The following BAK1 variants were observed in gnomAD, a reference collection of about 807,000 sequenced individuals.
BAK1 encodes bcl-2 homologous antagonist/killer.
BAK1 carries 19 observed loss-of-function variants against 24.7 expected under a neutral mutation model. That is an observed-to-expected ratio of 0.77 (90% confidence interval 0.54 to 1.13). The LOEUF (loss-of-function observed/expected upper bound fraction) is 1.13. Ranked by LOEUF, BAK1 falls within the 50% of genes most tolerant of loss-of-function variation. The pLI is 0.00. For missense variants in BAK1, 194 were observed against 279.4 expected, an observed-to-expected ratio of 0.69 and a Z score of 2.18; for synonymous variants, 86 against 107.3, an observed-to-expected ratio of 0.80 and a Z score of 1.23.
At position 33,574,174 on chromosome 6, in the gene BAK1, G is replaced by A. The variant is rs770151646; in HGVS notation, c.391C>T (p.Leu131Phe). ...SGINWGRVVA[L>F]LGFGYRLALH... ...GCCAGACGGTAGCCGAAGCCCAGAA[G>A]AGCCACCACACGGCCCCAATTGATG... The change falls in exon 5 of 6, where the codon CTT becomes TTT. Residue 131 changes from leucine (L) to phenylalanine (F), a missense_variant. Coordinates refer to ENST00000374467, the MANE Select transcript of BAK1 (RefSeq NM_001188.4). 2 of 1,613,972 alleles carry A rather than the reference G, an allele frequency of 1.2e-6. No homozygotes were observed. The highest frequency in any genetic ancestry group is 1.7e-6 in the Non-Finnish European group (2 of 1,179,972).
At position 33,575,427 on chromosome 6, in the gene BAK1, A is replaced by G. The variant is rs755256768; in HGVS notation, c.221T>C (p.Val74Ala). 6.2e-7 allele frequency: 1 copy of G among 1,613,696 alleles called. No homozygotes were observed. The highest frequency in any genetic ancestry group is 1.1e-5 in the South Asian group (1 of 91,054). The change falls in exon 4 of 6, where the codon GTG becomes GCG. Residue 74 changes from valine (V) to alanine (A), a missense_variant. By Grantham distance (64) the Val-to-Ala change is moderately conservative. Transcript: ENST00000374467. The surrounding 1 kb of genome is among the most constrained non-coding windows in gnomAD (Gnocchi z 6.3). ...PLQPSSTMGQVGRQLAIIGDD... is the reference protein window; with the variant it reads ...PLQPSSTMGQAGRQLAIIGDD... ...CCCGATGATGGCGAGCTGCCGTCCC[A>G]CCTGCCCCATGGTGCTGTAGGAGCA... is the stretch of plus-strand genomic sequence containing the variant.
At chr6:33,574,336 A>G in intron 4 of BAK1, 122 bp from the exon 5 acceptor site, 1 of 1,448,702 alleles carries the variant, frequency 6.9e-7, no homozygotes, top group East Asian at 2.5e-5. Context: ...TTAAGGCCGC[A>G]GAGGCTGCCC....
At chr6:33,576,175 A>T (rs1455151703) in intron 2 of BAK1, among the ~76,000 whole-genome samples, 4 of 152,010 alleles carry the variant, frequency 2.6e-5, no homozygotes, top group Non-Finnish European at 5.9e-5. Flanking sequence ...CTAAAAATAC[A>T]AAATTAGCCG....
At position 33,575,659 on chromosome 6, in the gene BAK1, A is replaced by G. The variant is rs991398067; in HGVS notation, c.206+134T>C. ...GGTCCTGGATGGGGGTGGGAGCCCAACATAAAAGAGGAGCAACCATGAGAG... is the reference window on the plus strand; with the variant it reads ...GGTCCTGGATGGGGGTGGGAGCCCAGCATAAAAGAGGAGCAACCATGAGAG... On this transcript the variant is annotated intron_variant, in intron 3 of 5. Coordinates refer to ENST00000374467, the MANE Select transcript of BAK1 (RefSeq NM_001188.4). This position sits in a 1 kb window ranked among gnomAD's most constrained non-coding sequence, Gnocchi z 6.3. The G allele has an allele frequency of 3.5e-6, 5 of 1,427,506 alleles. No individual in the cohort carries two copies. The highest frequency in any genetic ancestry group is 2.8e-5 in the African/African-American group (2 of 70,316). The allele number at this position is 1,427,506 out of a possible 1,614,324, so 88.4% of individuals were successfully genotyped here.
chr6:33,575,646 G>T lies in BAK1; in HGVS notation c.206+147C>A. On this transcript the variant is annotated intron_variant, in intron 3 of 5. Transcript: ENST00000374467. This position sits in a 1 kb window ranked among gnomAD's most constrained non-coding sequence, Gnocchi z 6.3. ...AAAAAGGATACAAGGTCCTGGATGG[G>T]GGTGGGAGCCCAACATAAAAGAGGA... 1 of 1,364,742 alleles carries T rather than the reference G, an allele frequency of 7.3e-7. No individual in the cohort carries two copies. The highest frequency in any genetic ancestry group is 1.0e-6 in the Non-Finnish European group (1 of 1,000,124). 84.5% of individuals were successfully genotyped at this position (1,364,742 alleles called of 1,614,324 possible). A position where few individuals can be genotyped will look rare whatever the true frequency, so the allele number is the denominator to read the frequency against.
rs935347908 is a variant in BAK1 at position 33,577,344 on chromosome 6, G to C, written c.70+191C>G. ...TCTCCCAACCTCCAGGCCCTCCCCA[G>C]TCCAGACTCCTCCCCCTCCTGGGCT... On this transcript the variant is annotated intron_variant, in intron 2 of 5. Coordinates refer to ENST00000374467, the MANE Select transcript of BAK1 (RefSeq NM_001188.4). This position sits in a 1 kb window ranked among gnomAD's most constrained non-coding sequence, Gnocchi z 4.6. Among the ~76,000 whole-genome samples, 9 of 152,194 alleles carry C rather than the reference G, an allele frequency of 5.9e-5. No homozygotes were observed. The highest frequency in any genetic ancestry group is 1.9e-4 in the African/African-American group (8 of 41,544).
At chr6:33,574,536 G>C in intron 4 of BAK1, 2 of 1,405,654 alleles carry the variant, frequency 1.4e-6, no homozygotes, top group South Asian at 1.2e-5. Context: ...CTGGCAGCCC[G>C]AGGGACAGCA....
At chr6:33,579,571 C>T (rs942151907) in intron 1 of BAK1, among the ~76,000 whole-genome samples, 2 of 152,190 alleles carry the variant, frequency 1.3e-5, no homozygotes, top group Non-Finnish European at 1.5e-5. Flanking sequence ...CTGACTCAGG[C>T]CTAGCTCTGC....
In BAK1 at chr6:33,578,533, CCT is replaced by C. The variant is rs1043620240; in HGVS notation, c.-31-900_-31-899del. Among the ~76,000 whole-genome samples, 2 of 152,208 alleles carry C rather than the reference CCT, an allele frequency of 1.3e-5. No homozygotes were observed. Among genetic ancestry groups the C allele is most frequent in the African/African-American group, 2.4e-5 (1 of 41,444 alleles). On this transcript the variant is annotated intron_variant, in intron 1 of 5. Coordinates refer to ENST00000374467, the MANE Select transcript of BAK1 (RefSeq NM_001188.4). This position sits in a 1 kb window ranked among gnomAD's most constrained non-coding sequence, Gnocchi z 4.8. ...TCAGGGCAACTTTCCCTATTTACCT[CCT>C]GTCTGTGCCTTCCCCACTGCTGCCT... is the stretch of plus-strand genomic sequence containing the variant.
At position 33,573,864 on chromosome 6, in the gene BAK1, AGCAC is replaced by A; in HGVS notation, c.571_574del (p.Val191TrpfsTer86). 1.2e-6 allele frequency: 2 copies of A among 1,614,218 alleles called. No homozygotes were observed. The highest frequency in any genetic ancestry group is 1.7e-6 in the Non-Finnish European group (2 of 1,180,016). On this transcript the variant is annotated frameshift_variant, in exon 6 of 6. Transcript: ENST00000374467. LOFTEE classifies it high-confidence loss of function. ...CAACAGAACCACACCCAGAACCACC[AGCAC>A]GTTCAGGATGGGACCATTGCCCAAG... is the stretch of plus-strand genomic sequence containing the variant.
intron 1 of BAK1, among the ~76,000 whole-genome samples, chr6:33,579,762 C>G (rs964385800): frequency 6.6e-6 from 1 of 152,224 alleles, no homozygotes; most frequent in Non-Finnish European, 1.5e-5. Context: ...GACCTTGGCT[C>G]TGACCTCCAC....
In BAK1 at chr6:33,578,510, A is replaced by C. The variant is rs903933717; in HGVS notation, c.-31-875T>G. ...TGGACCTCAGAGTGTGTTCTTTCTC[A>C]GGGCAACTTTCCCTATTTACCTCCT... is the stretch of plus-strand genomic sequence containing the variant. On this transcript the variant is annotated intron_variant, in intron 1 of 5. Transcript: ENST00000374467. The surrounding 1 kb of genome is among the most constrained non-coding windows in gnomAD (Gnocchi z 4.8). Among the ~76,000 whole-genome samples the C allele has an allele frequency of 1.3e-5, 2 of 152,164 alleles. No individual in the cohort carries two copies.
Position 33,577,411 on chromosome 6 carries a change from G to A in BAK1, c.70+124C>T, listed in dbSNP as rs771462283. 7.4e-6 allele frequency: 7 copies of A among 944,884 alleles called. No individual in the cohort carries two copies. Among genetic ancestry groups the A allele is most frequent in the Non-Finnish European group, 1.1e-5 (7 of 657,280 alleles). The allele number at this position is 944,884 out of a possible 1,614,324, so 58.5% of individuals were successfully genotyped here. A position where few individuals can be genotyped will look rare whatever the true frequency, so the allele number is the denominator to read the frequency against. Reference sequence around the variant, plus strand: ...TCCAGCCTCTGAGCCCGTGGGTGGGGAAGAGTATTCCCCACCCACAGTGGG... The same window carrying A: ...TCCAGCCTCTGAGCCCGTGGGTGGGAAAGAGTATTCCCCACCCACAGTGGG... On this transcript the variant is annotated intron_variant, in intron 2 of 5. Coordinates refer to ENST00000374467, the MANE Select transcript of BAK1 (RefSeq NM_001188.4). This position sits in a 1 kb window ranked among gnomAD's most constrained non-coding sequence, Gnocchi z 4.6.
At chr6:33,576,094 C>T (rs368045254) in intron 2 of BAK1, among the ~76,000 whole-genome samples, 166 bp from the exon 3 acceptor site, 69 of 152,244 alleles carry the variant, frequency 4.5e-4, no homozygotes, top group Middle Eastern at 6.8e-3. Context: ...TTTGGGAGGC[C>T]GAGGTGGGCA....
rs775583296 is a variant in BAK1 at position 33,575,857 on chromosome 6, C to T, written c.142G>A (p.Glu48Lys). ...YVFYRHQQEQ[E>K]AEGVAAPADP... ...GCAGGGGCAGCCACCCCTTCAGCCT[C>T]CTGTTCCTGCTGATGGCGGTAAAAA... Residue 48 changes from glutamate (E) to lysine (K), a missense_variant, in exon 3 of 6, where the codon GAG (glutamate) becomes AAG (lysine). Physicochemically the swap from Glu to Lys is moderately conservative, Grantham distance 56. Transcript: ENST00000374467. This position sits in a 1 kb window ranked among gnomAD's most constrained non-coding sequence, Gnocchi z 6.3. The T allele has an allele frequency of 3.7e-6, 6 of 1,614,100 alleles. No homozygotes were observed. The African/African-American group carries it at 4.0e-5, about 11-fold the overall frequency.
At position 33,579,437 on chromosome 6, in the gene BAK1, G is replaced by A. The variant is rs773860993; in HGVS notation, c.-32+588C>T. On this transcript the variant is annotated intron_variant, in intron 1 of 5. Transcript: ENST00000374467. ...CCTTCTTCCCCAGTCTCCAGGACCC[G>A]GCACCCCCAGGACAGTAGGGCTGGA... Among the ~76,000 whole-genome samples the A allele has an allele frequency of 3.7e-4, 56 of 151,962 alleles. 1 individual carries two copies. Among genetic ancestry groups the A allele is most frequent in the Non-Finnish European group, 6.8e-4 (46 of 67,994 alleles).
At chr6:33,574,395 A>G (rs210136) in intron 4 of BAK1, 181 bp from the exon 5 acceptor site, 11 of 1,467,882 alleles carry the variant, frequency 7.5e-6, no homozygotes, top group African/African-American at 7.0e-5. Context: ...GAAAGGAGAA[A>G]GCTCAGGGGC....
rs1340718045 is a variant in BAK1 at position 33,577,973 on chromosome 6, C to T, written c.-31-338G>A. 6.6e-6 allele frequency among the ~76,000 whole-genome samples: 1 copy of T among 152,222 alleles called. No individual in the cohort carries two copies. Among genetic ancestry groups the T allele is most frequent in the East Asian group, 1.9e-4 (1 of 5,198 alleles). ...AGGGAGACAGGGTAAGAAGGTGAGG[C>T]AGCCAAGGGCAGACTGAGGTATCTG... On this transcript the variant is annotated intron_variant, in intron 1 of 5. Transcript: ENST00000374467. The surrounding 1 kb of genome is among the most constrained non-coding windows in gnomAD (Gnocchi z 4.6).
In BAK1 at chr6:33,578,924, G is replaced by A. The variant is rs5745580; in HGVS notation, c.-32+1101C>T. Among the ~76,000 whole-genome samples the A allele has an allele frequency of 3.9e-3, 589 of 151,884 alleles. 3 individuals are homozygous for A. The highest frequency in any genetic ancestry group is 0.014 in the African/African-American group (560 of 41,394). On this transcript the variant is annotated intron_variant, in intron 1 of 5. Transcript: ENST00000374467. The surrounding 1 kb of genome is among the most constrained non-coding windows in gnomAD (Gnocchi z 4.8). ...GGGGACCTTCGCCCACCCTCCTTCCGCTAGGCCTGGGAGTGTTTTCGAAAG... is the reference window on the plus strand; with the variant it reads ...GGGGACCTTCGCCCACCCTCCTTCCACTAGGCCTGGGAGTGTTTTCGAAAG...
Sources: allele counts gnomAD v4.1 joint callset (sites outside exome capture counted in the v4.1 genomes callset), GRCh38; gene constraint gnomAD v4.1.1; non-coding constraint Gnocchi (gnomAD v3.1); transcripts MANE v1.5; gene names NCBI Gene and HGNC (gene_info 2026-07-23, HGNC 2026-07-21).